DGKB: variants seen among roughly 807,000 people sequenced by gnomAD.
The protein encoded by DGKB is diacylglycerol kinase beta, also known as 90 kDa diacylglycerol kinase.
In DGKB, 67 loss-of-function variants were observed where a neutral mutation model predicts 114.3. The ratio of observed to expected loss-of-function variants is 0.59; its 90% CI spans 0.48 to 0.72. The LOEUF is 0.72. DGKB is among the 30% of genes least tolerant of loss of function. The pLI is 0.00. For synonymous variants in DGKB, 398 were observed against 323.1 expected (o/e 1.23, Z -2.49); for missense variants, 907 against 975.2 (o/e 0.93, Z 0.93).
intron 5 of DGKB, among the ~76,000 whole-genome samples, chr7:14,721,775 TGAA>T (rs1331937061): frequency 2.6e-5 from 4 of 152,128 alleles, no homozygotes; most frequent in Non-Finnish European, 5.9e-5. Flanking sequence ...TAGAGTGCAC[TGAA>T]GAAGAAGATA....
chr7:14,739,934 C>T (rs897148609), intron 4 of DGKB, among the ~76,000 whole-genome samples: 1 of 152,254 alleles, frequency 6.6e-6, no homozygotes, highest in Non-Finnish European at 1.5e-5. Context: ...CCTGCCCTCC[C>T]CCACGTTCCC....
At chr7:14,666,571 T>C (rs1028820399) in intron 13 of DGKB, among the ~76,000 whole-genome samples, 1 of 152,030 alleles carries the variant, frequency 6.6e-6, no homozygotes, top group African/African-American at 2.4e-5. Flanking sequence ...AACATCTGTT[T>C]TGACAATCAG....
chr7:14,362,066 T>G (rs1204604329), intron 21 of DGKB, among the ~76,000 whole-genome samples: 1 of 152,054 alleles, frequency 6.6e-6, no homozygotes, highest in African/African-American at 2.4e-5. Context: ...GTGACTCATT[T>G]AGATACGCTT....
At chr7:14,494,073 C>T (rs753999136) in intron 20 of DGKB, among the ~76,000 whole-genome samples, 1 of 151,866 alleles carries the variant, frequency 6.6e-6, no homozygotes, top group Non-Finnish European at 1.5e-5. Context: ...GTTATTTTGG[C>T]ACCGATGTAT....
At chr7:14,560,762 A>AT (rs1181359295) in intron 20 of DGKB, among the ~76,000 whole-genome samples, 1 of 152,092 alleles carries the variant, frequency 6.6e-6, no homozygotes, top group African/African-American at 2.4e-5. Flanking sequence ...TCTATTTTTC[A>AT]TTTTTTGAGA....
At chr7:14,171,414 T>A (rs1011293717) in intron 25 of DGKB, among the ~76,000 whole-genome samples, 1 of 152,194 alleles carries the variant, frequency 6.6e-6, no homozygotes, top group Non-Finnish European at 1.5e-5. Flanking sequence ...TGCATTAAAA[T>A]CTTGTTGGCA....
At chr7:14,283,205 C>G (rs1800271393) in intron 23 of DGKB, among the ~76,000 whole-genome samples, 2 of 151,682 alleles carry the variant, frequency 1.3e-5, no homozygotes, top group Non-Finnish European at 1.5e-5. Flanking sequence ...CACAAGCATT[C>G]CTATACACCA....
chr7:14,525,976 G>C (rs1415541402), intron 20 of DGKB, among the ~76,000 whole-genome samples: 1 of 152,044 alleles, frequency 6.6e-6, no homozygotes, highest in Admixed American at 6.6e-5. Context: ...TGAAAAATAT[G>C]TGCACATTCT....
intron 25 of DGKB, among the ~76,000 whole-genome samples, chr7:14,153,741 A>G (rs1782568882): frequency 6.6e-6 from 1 of 152,088 alleles, no homozygotes. Flanking sequence ...GAAGATTCTA[A>G]ATGTCCTCAG....
chr7:14,281,234 T>G (rs187806557), intron 23 of DGKB, among the ~76,000 whole-genome samples: 6,109 of 151,746 alleles, frequency 0.04, 384 homozygotes, highest in African/African-American at 0.14. Context: ...AAACAGACTT[T>G]AAACCAACAA....
intron 20 of DGKB, among the ~76,000 whole-genome samples, chr7:14,547,901 C>T (rs550573798): frequency 6.6e-6 from 1 of 152,204 alleles, no homozygotes; most frequent in East Asian, 1.9e-4. Flanking sequence ...TAGAAGATCC[C>T]TTGCTTTGAA....
At chr7:14,397,559 C>G (rs1387576531) in intron 21 of DGKB, among the ~76,000 whole-genome samples, 1 of 152,036 alleles carries the variant, frequency 6.6e-6, no homozygotes, top group Non-Finnish European at 1.5e-5. Flanking sequence ...TTGTTCATTG[C>G]GTTTCTTCAT....
intron 21 of DGKB, among the ~76,000 whole-genome samples, chr7:14,402,097 C>T (rs543918243): frequency 6.6e-6 from 1 of 151,582 alleles, no homozygotes; most frequent in South Asian, 2.1e-4. Flanking sequence ...TTACCATTCT[C>T]TTTTTAATTA....
At chr7:14,278,622 A>G (rs953599681) in intron 23 of DGKB, among the ~76,000 whole-genome samples, 3 of 152,224 alleles carry the variant, frequency 2.0e-5, no homozygotes, top group Non-Finnish European at 4.4e-5. Context: ...ACAGTCAACA[A>G]AAAGTAGACA....
intron 21 of DGKB, among the ~76,000 whole-genome samples, chr7:14,442,694 CT>C (rs1830234294): frequency 6.6e-6 from 1 of 151,972 alleles, no homozygotes; most frequent in Admixed American, 6.6e-5. Context: ...TTATTTCTAA[CT>C]TTTTTCTAAT....
intron 23 of DGKB, among the ~76,000 whole-genome samples, chr7:14,235,144 T>G (rs1792565783): frequency 6.6e-6 from 1 of 152,074 alleles, no homozygotes; most frequent in Non-Finnish European, 1.5e-5. Context: ...CCCCTCCTCT[T>G]GATCTTACAG....
intron 17 of DGKB, among the ~76,000 whole-genome samples, chr7:14,589,114 T>G (rs2128741939): frequency 6.6e-6 from 1 of 152,160 alleles, no homozygotes; most frequent in Non-Finnish European, 1.5e-5. Flanking sequence ...ATATATTTTG[T>G]TAGATTTATT....
At chr7:14,642,540 T>C (rs887938920) in intron 13 of DGKB, among the ~76,000 whole-genome samples, 2 of 152,144 alleles carry the variant, frequency 1.3e-5, no homozygotes, top group Non-Finnish European at 2.9e-5. Flanking sequence ...CAGAAACAAC[T>C]TCACACAGAA....
At chr7:14,181,268 A>C (rs148692085) in intron 23 of DGKB, among the ~76,000 whole-genome samples, 25 of 152,266 alleles carry the variant, frequency 1.6e-4, no homozygotes, top group Admixed American at 9.2e-4. Context: ...TTGCCCACCT[A>C]TGCTTTAGAG....
Sources: allele counts gnomAD v4.1 joint callset (sites outside exome capture counted in the v4.1 genomes callset), GRCh38; gene constraint gnomAD v4.1.1; transcripts MANE v1.5; gene names NCBI Gene and HGNC (gene_info 2026-07-23, HGNC 2026-07-21).